The following NRG1 variants were observed in gnomAD, a reference collection of about 807,000 sequenced individuals.
NRG1 encodes the protein neuregulin 1, also known as pro-neuregulin-1, membrane-bound isoform.
In NRG1, 18 loss-of-function variants were observed where a neutral mutation model predicts 63.8. The ratio of observed to expected loss-of-function variants is 0.28; its 90% CI spans 0.19 to 0.42. The LOEUF (loss-of-function observed/expected upper bound fraction) is 0.42. Ranked by LOEUF, NRG1 falls within the 10% of genes least tolerant of loss-of-function variation. The pLI is 1.00. For missense variants in NRG1, 762 were observed against 814.7 expected (o/e 0.94, Z 0.79); for synonymous variants, 302 against 301.3 (o/e 1.00, Z -0.02).
intron 1 of NRG1, among the ~76,000 whole-genome samples, chr8:31,837,887 G>A (rs1475086636): frequency 6.6e-6 from 1 of 152,050 alleles, no homozygotes; most frequent in Non-Finnish European, 1.5e-5. Context: ...ATCCCCTGAT[G>A]GACACTTAGG....
At chr8:31,667,094 C>T (rs958147286) in intron 1 of NRG1, among the ~76,000 whole-genome samples, 4 of 152,186 alleles carry the variant, frequency 2.6e-5, no homozygotes, top group Non-Finnish European at 5.9e-5. Flanking sequence ...GAGACAAAGA[C>T]GTTCGTCTCA....
intron 1 of NRG1, among the ~76,000 whole-genome samples, chr8:31,901,232 AATG>A (rs1832051920): frequency 6.6e-6 from 1 of 152,200 alleles, no homozygotes; most frequent in Non-Finnish European, 1.5e-5. Flanking sequence ...CACAAAAGCA[AATG>A]ATGATATAAC....
At chr8:32,547,168 C>T (rs1456551372), upstream of NRG1, among the ~76,000 whole-genome samples, 1 of 152,168 alleles carries the variant, frequency 6.6e-6, no homozygotes, top group Non-Finnish European at 1.5e-5. Context: ...AATTCTGGAT[C>T]CTTCCGTGGT....
At chr8:32,415,609 G>T (rs1815785205) in intron 1 of NRG1, among the ~76,000 whole-genome samples, 3 of 152,178 alleles carry the variant, frequency 2.0e-5, no homozygotes, top group Admixed American at 6.5e-5. Flanking sequence ...AGTAATTTTT[G>T]AGCATGAATG....
At chr8:32,200,882 G>A (rs949101089) in intron 1 of NRG1, among the ~76,000 whole-genome samples, 12 of 152,100 alleles carry the variant, frequency 7.9e-5, no homozygotes, top group East Asian at 1.9e-4. Flanking sequence ...CTCCATTCTC[G>A]TGTGGGGAAG....
At chr8:31,739,428 C>A (rs2131391895) in intron 1 of NRG1, among the ~76,000 whole-genome samples, 1 of 152,030 alleles carries the variant, frequency 6.6e-6, no homozygotes, top group Middle Eastern at 3.4e-3. Flanking sequence ...AATATATTTT[C>A]TTTCAGGTTA....
At chr8:31,929,797 A>G (rs561233892) in intron 1 of NRG1, among the ~76,000 whole-genome samples, 2 of 152,294 alleles carry the variant, frequency 1.3e-5, no homozygotes, top group Non-Finnish European at 2.9e-5. Flanking sequence ...TTTCTGTCTT[A>G]CAATATATAT....
At chr8:31,714,858 T>A (rs2131275068) in intron 1 of NRG1, among the ~76,000 whole-genome samples, 1 of 152,322 alleles carries the variant, frequency 6.6e-6, no homozygotes, top group South Asian at 2.1e-4. Context: ...AAGATATGAT[T>A]AAAAAATGAA....
chr8:32,766,146 TA>T (rs1254718645), exon 12 of NRG1: 1 of 152,170 alleles, frequency 6.6e-6, no homozygotes, highest in Non-Finnish European at 1.5e-5. Flanking sequence ...TGTTAACAAT[TA>T]AAAAGAAGAA....
At chr8:32,026,163 G>A (rs932170202) in intron 1 of NRG1, 9 of 150,744 alleles carry the variant, frequency 6.0e-5, no homozygotes, top group African/African-American at 2.2e-4. Context: ...CCGCCTACCA[G>A]ATTCACGCCA....
chr8:32,748,343 A>G (rs1187603359), intron 7 of NRG1, among the ~76,000 whole-genome samples: 1 of 92,016 alleles, frequency 1.1e-5, no homozygotes, highest in Non-Finnish European at 2.6e-5. Flanking sequence ...GCGCGCGCAC[A>G]CACACACACA....
intron 7 of NRG1, chr8:32,748,710 C>G (rs749218057): frequency 8.8e-6 from 4 of 456,228 alleles, no homozygotes; most frequent in South Asian, 6.2e-5. Context: ...TTCACTGGCT[C>G]TCTGTGATTT....
intron 1 of NRG1, among the ~76,000 whole-genome samples, chr8:31,727,591 C>T (rs1030826022): frequency 2.6e-5 from 4 of 152,090 alleles, no homozygotes; most frequent in Non-Finnish European, 4.4e-5. Flanking sequence ...GATACTGATA[C>T]CCTGTCTCAA....
chr8:32,494,535 T>C (rs1826969188), intron 1 of NRG1, among the ~76,000 whole-genome samples: 1 of 151,992 alleles, frequency 6.6e-6, no homozygotes, highest in East Asian at 1.9e-4. Context: ...GATCAAAGAG[T>C]TATCCTTTCT....
chr8:32,265,832 G>C (rs1412878947), intron 1 of NRG1, among the ~76,000 whole-genome samples: 1 of 151,986 alleles, frequency 6.6e-6, no homozygotes, highest in Non-Finnish European at 1.5e-5. Context: ...GACAGAATGA[G>C]ACCCTGTCTT....
At chr8:31,854,721 T>A (rs1205896626) in intron 1 of NRG1, among the ~76,000 whole-genome samples, 1 of 152,214 alleles carries the variant, frequency 6.6e-6, no homozygotes, top group Non-Finnish European at 1.5e-5. Flanking sequence ...TAATTTTGGA[T>A]CTTTCCTCCT....
intron 1 of NRG1, among the ~76,000 whole-genome samples, chr8:32,454,499 G>A (rs1024027627): frequency 1.4e-5 from 2 of 146,766 alleles, no homozygotes; most frequent in Non-Finnish European, 3.0e-5. Flanking sequence ...CTTGTCAAAT[G>A]TCTCAATTTT....
At chr8:31,723,912 CAG>C (rs1246809751) in intron 1 of NRG1, among the ~76,000 whole-genome samples, 10 of 152,020 alleles carry the variant, frequency 6.6e-5, no homozygotes, top group African/African-American at 2.4e-4. Context: ...GTGGAGAAAA[CAG>C]AGAAGTTCAA....
At chr8:32,747,732 G>GTGTGTATATATATATATATA (rs1264111970) in intron 7 of NRG1, among the ~76,000 whole-genome samples, 26 of 132,114 alleles carry the variant, frequency 2.0e-4, no homozygotes, top group African/African-American at 7.1e-4. Context: ...ATGTGTGTGT[G>GTGTGTATATATATATATATA]TATATATATA....
Sources: allele counts gnomAD v4.1 joint callset (sites outside exome capture counted in the v4.1 genomes callset), GRCh38; gene constraint gnomAD v4.1.1; transcripts MANE v1.5; gene names NCBI Gene and HGNC (gene_info 2026-07-23, HGNC 2026-07-21).